SPATA16: variants seen among roughly 807,000 people sequenced by gnomAD.
The protein encoded by SPATA16 is spermatogenesis associated 16, also known as spermatogenesis-associated protein 16.
Under a neutral mutation model 63.3 loss-of-function variants are expected in SPATA16, and 36 were observed. That is an observed-to-expected ratio of 0.57 (90% CI 0.44 to 0.75). The LOEUF (loss-of-function observed/expected upper bound fraction) is 0.75. Ranked by LOEUF, SPATA16 falls within the 30% of genes least tolerant of loss-of-function variation. The pLI is 0.00. For synonymous variants in SPATA16, 203 were observed against 216.7 expected (o/e 0.94, Z 0.56); for missense variants, 646 against 679.3 (o/e 0.95, Z 0.54).
rs571847153 is a variant in SPATA16 at position 173,101,216 on chromosome 3, G to A, written c.612+15904C>T. Among the ~76,000 whole-genome samples, 143 of 152,238 alleles carry A rather than the reference G, an allele frequency of 9.4e-4. 1 individual carries two copies. In the Middle Eastern group the frequency reaches 0.044, roughly 47 times the overall value. On this transcript the variant is annotated intron_variant, in intron 2 of 10. Coordinates refer to ENST00000351008, the MANE Select transcript of SPATA16 (RefSeq NM_031955.6). ...AGATCATTGACCAATTGGAATGGTA[G>A]GGGGGATAATACTTGCTGCCCCAAG...
intron 10 of SPATA16, among the ~76,000 whole-genome samples, chr3:172,893,241 A>C (rs1418180412): frequency 6.6e-6 from 1 of 152,218 alleles, no homozygotes; most frequent in East Asian, 1.9e-4. Flanking sequence ...TCAAGTTAAA[A>C]TGAGGTCCTT....
chr3:173,013,137 C>G (rs558489925), intron 4 of SPATA16, among the ~76,000 whole-genome samples: 3 of 152,266 alleles, frequency 2.0e-5, no homozygotes, highest in East Asian at 1.9e-4. Context: ...CAAAGGAAGA[C>G]ATACAAATGG....
At chr3:173,105,930 C>A (rs1456608161) in intron 2 of SPATA16, among the ~76,000 whole-genome samples, 1 of 147,730 alleles carries the variant, frequency 6.8e-6, no homozygotes, top group African/African-American at 2.6e-5. Flanking sequence ...GTAAAACTTA[C>A]CTTCCAATGT....
intron 10 of SPATA16, among the ~76,000 whole-genome samples, chr3:172,908,905 T>C (rs1273714476): frequency 6.6e-6 from 1 of 152,170 alleles, no homozygotes; most frequent in African/African-American, 2.4e-5. Context: ...AGGAAATTAC[T>C]TACTTGCTAC....
chr3:173,119,188 G>A (rs927873174), intron 1 of SPATA16, among the ~76,000 whole-genome samples: 8 of 152,134 alleles, frequency 5.3e-5, no homozygotes, highest in African/African-American at 1.7e-4. Context: ...GAGAGCATTA[G>A]GACAAATACC....
chr3:172,901,628 G>T (rs545111407), intron 10 of SPATA16, among the ~76,000 whole-genome samples: 2 of 152,180 alleles, frequency 1.3e-5, no homozygotes, highest in South Asian at 2.1e-4. Flanking sequence ...GGACATTTTG[G>T]GTATTTTATT....
At chr3:173,114,179 C>CA (rs34754459) in intron 2 of SPATA16, among the ~76,000 whole-genome samples, 6,772 of 65,780 alleles carry the variant, frequency 0.1, 488 homozygotes, top group African/African-American at 0.21. Context: ...GACTCCATCT[C>CA]AAAAAAAAAA....
chr3:172,953,081 C>T (rs1733480208), intron 6 of SPATA16, among the ~76,000 whole-genome samples: 1 of 151,956 alleles, frequency 6.6e-6, no homozygotes, highest in Non-Finnish European at 1.5e-5. Context: ...TTCCATTCCA[C>T]AATTAGAGCT....
intron 2 of SPATA16, among the ~76,000 whole-genome samples, chr3:173,110,991 A>C (rs1339188364): frequency 1.3e-5 from 2 of 152,220 alleles, no homozygotes; most frequent in African/African-American, 4.8e-5. Flanking sequence ...CTGCATTTTT[A>C]ACAAGATTAC....
intron 2 of SPATA16, among the ~76,000 whole-genome samples, chr3:173,088,621 T>C (rs545687949): frequency 2.6e-5 from 4 of 152,260 alleles, no homozygotes; most frequent in Non-Finnish European, 5.9e-5. Context: ...GATTTAGACA[T>C]GCTGGAAAAA....
chr3:173,046,348 T>A (rs572209063), intron 3 of SPATA16, among the ~76,000 whole-genome samples: 13 of 152,144 alleles, frequency 8.5e-5, no homozygotes, highest in African/African-American at 3.1e-4. Flanking sequence ...TCAGAGCCTT[T>A]GTATCATTGA....
intron 2 of SPATA16, among the ~76,000 whole-genome samples, chr3:173,084,187 TTTC>T (rs1342751451): frequency 1.3e-5 from 2 of 152,158 alleles, no homozygotes; most frequent in East Asian, 3.9e-4. Flanking sequence ...GCATCTGTTG[TTTC>T]TTAACTTTTT....
intron 3 of SPATA16, among the ~76,000 whole-genome samples, chr3:173,048,664 C>T (rs190124912): frequency 6.6e-6 from 1 of 152,174 alleles, no homozygotes; most frequent in African/African-American, 2.4e-5. Context: ...CCCTTACTTA[C>T]CTATTCTCTC....
chr3:172,987,917 C>G (rs1214649285), intron 4 of SPATA16, among the ~76,000 whole-genome samples: 1 of 152,098 alleles, frequency 6.6e-6, no homozygotes, highest in Non-Finnish European at 1.5e-5. Flanking sequence ...CATTCCATCT[C>G]CTGATCTCTG....
chr3:172,979,994 T>A (rs1014032040), intron 4 of SPATA16, among the ~76,000 whole-genome samples: 3 of 152,220 alleles, frequency 2.0e-5, no homozygotes, highest in Non-Finnish European at 4.4e-5. Context: ...TTGTAGTTGC[T>A]CCAAGCCCCT....
At chr3:172,947,865 C>G (rs1733330786) in intron 6 of SPATA16, among the ~76,000 whole-genome samples, 1 of 151,966 alleles carries the variant, frequency 6.6e-6, no homozygotes, top group Non-Finnish European at 1.5e-5. Flanking sequence ...TTGATAGGTG[C>G]AGCAAACCAC....
chr3:173,088,432 G>C (rs1473499264), intron 2 of SPATA16, among the ~76,000 whole-genome samples: 1 of 151,796 alleles, frequency 6.6e-6, no homozygotes, highest in Non-Finnish European at 1.5e-5. Flanking sequence ...ATTTGTTTTT[G>C]TTTACTCATG....
chr3:173,065,623 T>C (rs1477209214), intron 2 of SPATA16, among the ~76,000 whole-genome samples: 1 of 152,114 alleles, frequency 6.6e-6, no homozygotes, highest in Non-Finnish European at 1.5e-5. Flanking sequence ...GAAAAGAAAG[T>C]CTTGCATTGC....
intron 10 of SPATA16, among the ~76,000 whole-genome samples, chr3:172,908,953 A>C (rs146359086): frequency 6.6e-6 from 1 of 152,284 alleles, no homozygotes; most frequent in East Asian, 1.9e-4. Flanking sequence ...TCTTTTGTAG[A>C]GTCACATTAA....
Sources: allele counts gnomAD v4.1 joint callset (sites outside exome capture counted in the v4.1 genomes callset), GRCh38; gene constraint gnomAD v4.1.1; transcripts MANE v1.5; gene names NCBI Gene and HGNC (gene_info 2026-07-23, HGNC 2026-07-21).